Variants in FGF13 observed in about 807,000 individuals in gnomAD.
FGF13 encodes the protein fibroblast growth factor homologous factor 2.
FGF13 carries 2 observed loss-of-function variants against 19.5 expected under a neutral mutation model. The observed-to-expected ratio is 0.10, with a 90% confidence interval of 0.04 to 0.32. The LOEUF is 0.32. Ranked by LOEUF, FGF13 falls within the 10% of genes least tolerant of loss-of-function variation. FGF13 has a pLI of 1.00. For synonymous variants in FGF13, 72 were observed against 76.9 expected, an observed-to-expected ratio of 0.94 and a Z score of 0.33; for missense variants, 113 against 192.7, an observed-to-expected ratio of 0.59 and a Z score of 2.45.
At chrX:139,039,451 AT>A (rs751343943) in intron 1 of FGF13, among the ~76,000 whole-genome samples, 1 of 112,241 alleles carries the variant, frequency 8.9e-6, no homozygotes, top group African/African-American at 3.2e-5. Flanking sequence ...CCAGAAAAAA[AT>A]AAAAGAGAAA....
rs187484346 is a variant in FGF13, at chrX:139,058,760, G to C, written c.-113+144656C>G. ...TAGTTGCAGGTTCCTGGAATGAAGA[G>C]AAAAAGTTCCAAATGAATACATAAT... is the stretch of plus-strand genomic sequence containing the variant. On this transcript the variant is annotated intron_variant, in intron 1 of 2. Transcript: ENST00000421460. 4.2e-4 allele frequency among the ~76,000 whole-genome samples: 46 copies of C among 110,781 alleles called. 1 individual carries two copies. In the South Asian group the frequency reaches 0.011, roughly 27 times the overall value.
At chrX:139,195,480 T>C in intron 1 of FGF13, among the ~76,000 whole-genome samples, 1 of 112,689 alleles carries the variant, frequency 8.9e-6, no homozygotes, top group Middle Eastern at 4.6e-3. Flanking sequence ...CTGTCTTCTT[T>C]AGGTTGTTTA....
chrX:138,934,487 G>A (rs1325298251), intron 1 of FGF13, among the ~76,000 whole-genome samples: 1 of 112,583 alleles, frequency 8.9e-6, no homozygotes, highest in Non-Finnish European at 1.9e-5. Flanking sequence ...TAATAAGTCT[G>A]AAGCACAGTA....
intron 1 of FGF13, among the ~76,000 whole-genome samples, chrX:138,727,631 T>C (rs758852820): frequency 9.0e-6 from 1 of 111,464 alleles, no homozygotes; most frequent in Non-Finnish European, 1.9e-5. Context: ...TAGAAATACA[T>C]AGGATATCAA....
chrX:139,195,760 T>C (rs779827437), intron 1 of FGF13, among the ~76,000 whole-genome samples: 1 of 112,600 alleles, frequency 8.9e-6, no homozygotes, highest in South Asian at 3.7e-4. Flanking sequence ...AGGCGTTGTG[T>C]CTCTGTTAAC....
chrX:138,732,048 T>C (rs1196175711), intron 1 of FGF13, among the ~76,000 whole-genome samples: 2 of 111,507 alleles, frequency 1.8e-5, no homozygotes, highest in Admixed American at 9.5e-5. Context: ...TGCTACCATA[T>C]ACATGCAAGA....
In FGF13 at chrX:139,179,247, A is replaced by G. The variant is rs1219979330; in HGVS notation, c.-113+24169T>C. ...ACACACCCCAATGTGGTCCCTTCTTATTTTAGTACTTTGTTCACTCTCCCA... is the reference window on the plus strand; with the variant it reads ...ACACACCCCAATGTGGTCCCTTCTTGTTTTAGTACTTTGTTCACTCTCCCA... On this transcript the variant is annotated intron_variant, in intron 1 of 2. Transcript: ENST00000421460. Among the ~76,000 whole-genome samples the G allele has an allele frequency of 7.2e-5, 8 of 111,769 alleles. No homozygotes were observed. The East Asian group carries it at 2.2e-3, about 31-fold the overall frequency.
At chrX:139,023,205 C>T (rs1243206318) in intron 1 of FGF13, among the ~76,000 whole-genome samples, 2 of 110,997 alleles carry the variant, frequency 1.8e-5, no homozygotes, top group Non-Finnish European at 3.8e-5. Context: ...AACTACTCAA[C>T]TCTTCCATAG....
At chrX:139,193,457 A>C (rs894986602) in intron 1 of FGF13, among the ~76,000 whole-genome samples, 2 of 111,602 alleles carry the variant, frequency 1.8e-5, no homozygotes, top group Non-Finnish European at 3.8e-5. Flanking sequence ...ATTCCAGTCT[A>C]TTCAGAGAGA....
In FGF13 at chrX:139,148,604, TAAAAAAA is replaced by T. The variant is rs754469846; in HGVS notation, c.-113+54805_-113+54811del. On this transcript the variant is annotated intron_variant, in intron 1 of 2. Transcript: ENST00000421460. The stretch of plus-strand genomic sequence containing the variant: ...TAATGCCAGGTAGCAGCCATTGGTT[TAAAAAAA>T]AAAAAAAAAAAAAGGAAAAACATGA... Among the ~76,000 whole-genome samples, 28 of 84,639 alleles carry T rather than the reference TAAAAAAA, an allele frequency of 3.3e-4. No individual in the cohort carries two copies. The East Asian group carries it at 6.4e-3, about 19-fold the overall frequency. The allele number at this position is 84,639 out of a possible 115,157, so 73.5% of individuals were successfully genotyped here.
At chrX:138,750,642 C>T (rs1218257844) in intron 3 of FGF13, among the ~76,000 whole-genome samples, 1 of 111,377 alleles carries the variant, frequency 9.0e-6, no homozygotes, top group Non-Finnish European at 1.9e-5. Flanking sequence ...AATTGTTTTG[C>T]TGCATACATG....
intron 3 of FGF13, among the ~76,000 whole-genome samples, chrX:138,784,200 G>T: frequency 1.0e-5 from 1 of 97,841 alleles, no homozygotes; most frequent in East Asian, 3.5e-4. Context: ...AGCACTGGGA[G>T]ATATACCTAA....
At chrX:138,756,923 A>G (rs1173914514) in intron 3 of FGF13, among the ~76,000 whole-genome samples, 1 of 111,427 alleles carries the variant, frequency 9.0e-6, no homozygotes, top group East Asian at 2.8e-4. Context: ...CCTACTTCCA[A>G]GCTGAATTAT....
chrX:138,859,109 C>T (rs958461294), intron 2 of FGF13, among the ~76,000 whole-genome samples: 3 of 111,846 alleles, frequency 2.7e-5, no homozygotes, highest in Admixed American at 9.5e-5. Context: ...TAGCTTTTTC[C>T]GTAGAGAGTT....
intron 2 of FGF13, among the ~76,000 whole-genome samples, chrX:138,860,750 C>A (rs1482488424): frequency 8.9e-6 from 1 of 112,437 alleles, no homozygotes; most frequent in Non-Finnish European, 1.9e-5. Context: ...AAAAGTGGCT[C>A]CTGGTTTATT....
intron 3 of FGF13, among the ~76,000 whole-genome samples, chrX:138,834,501 T>C (rs1157317879): frequency 9.0e-6 from 1 of 110,969 alleles, no homozygotes; most frequent in African/African-American, 3.3e-5. Context: ...AATATCCCTC[T>C]TGTCATTTCT....
At chrX:138,682,619 G>A (rs908811594) in intron 3 of FGF13, among the ~76,000 whole-genome samples, 1 of 112,100 alleles carries the variant, frequency 8.9e-6, no homozygotes, top group African/African-American at 3.2e-5. Context: ...CCAATCTATA[G>A]TTCCATTCCA....
chrX:139,158,909 A>T (rs774402372), intron 1 of FGF13, among the ~76,000 whole-genome samples: 6 of 112,059 alleles, frequency 5.4e-5, no homozygotes, highest in Admixed American at 2.8e-4. Flanking sequence ...ACTCTTCAGG[A>T]TATTATCCAG....
At chrX:139,167,213 G>A (rs1319140841) in intron 1 of FGF13, among the ~76,000 whole-genome samples, 2 of 111,872 alleles carry the variant, frequency 1.8e-5, no homozygotes, top group African/African-American at 6.5e-5. Context: ...AAAGTATACT[G>A]TCTCCCTTAT....
Sources: allele counts gnomAD v4.1 joint callset (sites outside exome capture counted in the v4.1 genomes callset), GRCh38; gene constraint gnomAD v4.1.1; transcripts MANE v1.5; gene names NCBI Gene and HGNC (gene_info 2026-07-23, HGNC 2026-07-21).